DARS1: variants seen among roughly 807,000 people sequenced by gnomAD.
The protein encoded by DARS1 is aspartate--tRNA ligase, cytoplasmic.
A neutral mutation model predicts 68.8 loss-of-function variants in DARS1; 51 were observed. The observed-to-expected ratio is 0.74, with a 90% confidence interval of 0.59 to 0.94. DARS1 has a LOEUF of 0.94. Ranked by LOEUF, DARS1 falls within the 40% of genes least tolerant of loss-of-function variation. The pLI, the probability that DARS1 is intolerant of heterozygous loss-of-function variation, is 0.00. For missense variants in DARS1, 607 were observed against 597.3 expected (o/e 1.02, Z -0.17); for synonymous variants, 203 against 190.4 (o/e 1.07, Z -0.55).
chr2:135,941,586 G>A (rs1354188998), intron 5 of DARS1, among the ~76,000 whole-genome samples: 1 of 151,368 alleles, frequency 6.6e-6, no homozygotes, highest in African/African-American at 2.4e-5. Context: ...TACCATTCAG[G>A]ACATAGGCAT....
intron 2 of DARS1, among the ~76,000 whole-genome samples, chr2:135,981,456 G>A (rs1682630263): frequency 6.6e-6 from 1 of 152,110 alleles, no homozygotes; most frequent in Admixed American, 6.6e-5. Flanking sequence ...CTTTTTGAGT[G>A]CTGACATGAT....
chr2:135,933,001 G>T (rs115316382), intron 6 of DARS1, among the ~76,000 whole-genome samples, 159 bp from the exon 7 acceptor site: 13 of 152,190 alleles, frequency 8.5e-5, no homozygotes, highest in African/African-American at 3.1e-4. Context: ...CACAAAGTGC[G>T]GCCAGAGAGA....
intron 5 of DARS1, among the ~76,000 whole-genome samples, chr2:135,939,854 C>T (rs1378493886): frequency 2.0e-5 from 3 of 152,162 alleles, no homozygotes; most frequent in African/African-American, 7.2e-5. Flanking sequence ...GAAATACAAA[C>T]TACCATCAGA....
intron 3 of DARS1, among the ~76,000 whole-genome samples, chr2:135,968,206 G>GT (rs1682281375): frequency 6.6e-6 from 1 of 152,186 alleles, no homozygotes; most frequent in African/African-American, 2.4e-5. Context: ...GGAGGTTGCA[G>GT]TGAGTTGAGA....
chr2:135,973,449 G>T (rs1345003073), intron 3 of DARS1, among the ~76,000 whole-genome samples: 1 of 151,124 alleles, frequency 6.6e-6, no homozygotes, highest in African/African-American at 2.4e-5. Context: ...TGAAGGTGGG[G>T]GGCCCTGGGA....
chr2:135,985,155 G>A (rs1347626837), intron 1 of DARS1: 2 of 560,168 alleles, frequency 3.6e-6, no homozygotes, highest in Non-Finnish European at 6.0e-6. Context: ...GGTTCTTCCC[G>A]TCCTCCCCAC....
intron 10 of DARS1, among the ~76,000 whole-genome samples, chr2:135,917,151 C>T (rs549982311): frequency 6.6e-6 from 1 of 151,818 alleles, no homozygotes; most frequent in South Asian, 2.1e-4. Context: ...CAGAGCAAGA[C>T]TCGTCTCAAA....
chr2:135,919,157 A>AT (rs1681062203), intron 10 of DARS1, among the ~76,000 whole-genome samples: 1 of 152,112 alleles, frequency 6.6e-6, no homozygotes, highest in African/African-American at 2.4e-5. Flanking sequence ...CAGCCTCCCA[A>AT]GTAGCTGGGA....
chr2:135,973,362 T>G (rs1178167431), intron 3 of DARS1, among the ~76,000 whole-genome samples: 6 of 151,898 alleles, frequency 4.0e-5, no homozygotes, highest in Admixed American at 1.3e-4. Flanking sequence ...TGTGGGATCT[T>G]AAAATCAAAA....
intron 3 of DARS1, among the ~76,000 whole-genome samples, chr2:135,974,243 A>T (rs936478186): frequency 1.3e-5 from 2 of 152,224 alleles, no homozygotes; most frequent in Non-Finnish European, 2.9e-5. Flanking sequence ...GCCACTCTGC[A>T]CATGTACAGG....
intron 3 of DARS1, among the ~76,000 whole-genome samples, chr2:135,971,295 T>C (rs1352166480): frequency 6.6e-6 from 1 of 152,006 alleles, no homozygotes; most frequent in African/African-American, 2.4e-5. Context: ...AATATACAAA[T>C]CAATCAATGT....
chr2:135,922,734 C>T (rs771074012), intron 9 of DARS1, 50 bp downstream of exon 9: 1 of 1,474,560 alleles, frequency 6.8e-7, no homozygotes, highest in East Asian at 2.6e-5. Context: ...AAAATTATAA[C>T]TGCTGTATAA....
At position 135,960,196 on chromosome 2, in the gene DARS1, G is replaced by A. The variant is rs556219250; in HGVS notation, c.320+1200C>T. Among the ~76,000 whole-genome samples the A allele has an allele frequency of 3.3e-5, 5 of 152,274 alleles. No individual in the cohort carries two copies. The South Asian group carries it at 1.0e-3, about 32-fold the overall frequency. The stretch of plus-strand genomic sequence containing the variant: ...GAAGAAAAGTGGTCATCTCTGGGCA[G>A]CACTGGGAGATAGGGAGAGGTGGGG... On this transcript the variant is annotated intron_variant, in intron 4 of 15. Transcript: ENST00000264161.
At chr2:135,933,078 C>A (rs748111142) in intron 6 of DARS1, among the ~76,000 whole-genome samples, 1 of 152,104 alleles carries the variant, frequency 6.6e-6, no homozygotes, top group East Asian at 1.9e-4. Flanking sequence ...TCTTTCCCTC[C>A]TCCACCCCTC....
At chr2:135,970,551 C>T (rs551127596) in intron 3 of DARS1, among the ~76,000 whole-genome samples, 13 of 151,924 alleles carry the variant, frequency 8.6e-5, no homozygotes, top group Admixed American at 4.6e-4. Context: ...AACAATGCAT[C>T]TTAAAGAACT....
intron 4 of DARS1, among the ~76,000 whole-genome samples, chr2:135,957,350 C>T (rs1281752445): frequency 6.6e-6 from 1 of 152,096 alleles, no homozygotes; most frequent in South Asian, 2.1e-4. Context: ...GCCTCAGCCT[C>T]CCGAGTAGCT....
intron 10 of DARS1, among the ~76,000 whole-genome samples, chr2:135,916,698 C>T (rs1681012800): frequency 6.6e-6 from 1 of 152,122 alleles, no homozygotes; most frequent in South Asian, 2.1e-4. Context: ...CTTGTTATCA[C>T]TGAGGAAGAC....
At chr2:135,946,379 T>C (rs1030067574) in intron 4 of DARS1, among the ~76,000 whole-genome samples, 18 of 152,214 alleles carry the variant, frequency 1.2e-4, no homozygotes, top group African/African-American at 4.1e-4. Flanking sequence ...TCACATGCTA[T>C]AGGTGATATG....
chr2:135,915,265 T>C (rs983149805), intron 11 of DARS1, among the ~76,000 whole-genome samples: 1 of 152,098 alleles, frequency 6.6e-6, no homozygotes, highest in Non-Finnish European at 1.5e-5. Context: ...TATAAGTAGA[T>C]AGAAATTACC....
Sources: gnomAD v4.1 joint callset for allele counts (sites outside exome capture counted in the v4.1 genomes callset) on GRCh38, gnomAD v4.1.1 for gene constraint, MANE v1.5 for transcripts, NCBI Gene and HGNC (gene_info 2026-07-23, HGNC 2026-07-21) for gene names.